Variants in GPR158 observed in about 807,000 individuals in gnomAD.
GPR158 encodes the protein metabotropic glycine receptor.
In GPR158, 30 loss-of-function variants were observed where a neutral mutation model predicts 78.2. That is an observed-to-expected ratio of 0.38 (90% CI 0.29 to 0.52). The LOEUF is 0.52. GPR158 is among the 20% of genes least tolerant of loss of function. The probability of loss-of-function intolerance (pLI) is 0.83; values close to 1 mark genes in which losing one functional copy is unlikely to be tolerated. For missense variants in GPR158, 1,463 were observed against 1,523.5 expected (o/e 0.96, Z 0.66); for synonymous variants, 581 against 591.1 (o/e 0.98, Z 0.25).
At chr10:25,323,416 C>T (rs1003713310) in intron 2 of GPR158, among the ~76,000 whole-genome samples, 9 of 152,160 alleles carry the variant, frequency 5.9e-5, no homozygotes, top group Non-Finnish European at 1.3e-4. Context: ...ATTGACTTCT[C>T]CTCTCTAGCT....
At chr10:25,484,867 C>T (rs1835711542) in intron 5 of GPR158, among the ~76,000 whole-genome samples, 1 of 152,048 alleles carries the variant, frequency 6.6e-6, no homozygotes, top group Admixed American at 6.6e-5. Context: ...GCCTGATTAG[C>T]AATTTTTCAG....
intron 1 of GPR158, among the ~76,000 whole-genome samples, chr10:25,196,285 GTTTTCC>G (rs1852842999): frequency 6.7e-6 from 1 of 150,012 alleles, no homozygotes; most frequent in Non-Finnish European, 1.5e-5. Context: ...TTTTGAAATA[GTTTTCC>G]TTTGGCAATT....
Position 25,175,200 on chromosome 10 carries a change from G to T in GPR158, c.-221G>T. 2.1e-6 allele frequency: 1 copy of T among 481,454 alleles called. No individual in the cohort carries two copies. The highest frequency in any genetic ancestry group is 3.6e-6 in the Non-Finnish European group (1 of 274,052). 29.8% of individuals were successfully genotyped at this position (481,454 alleles called of 1,614,324 possible). A position where few individuals can be genotyped will look rare whatever the true frequency, so the allele number is the denominator to read the frequency against. The stretch of plus-strand genomic sequence containing the variant: ...CCCCAGCCGGCCCCTCGCGCAGCGG[G>T]CACGGCCAGCGCTGCCACAGGTGAC... On this transcript the variant is annotated 5_prime_UTR_variant, in exon 1 of 11. Coordinates refer to ENST00000376351, the MANE Select transcript of GPR158 (RefSeq NM_020752.3). This position sits in a 1 kb window ranked among gnomAD's most constrained non-coding sequence, Gnocchi z 6.4.
intron 2 of GPR158, among the ~76,000 whole-genome samples, chr10:25,233,038 T>C (rs890737309): frequency 2.6e-5 from 4 of 152,188 alleles, no homozygotes; most frequent in Non-Finnish European, 5.9e-5. Context: ...AGAGCAGTTA[T>C]TGTGCATGAA....
chr10:25,597,988 A>C lies in GPR158; in HGVS notation c.2362A>C (p.Ile788Leu), dbSNP rs766096169. ...DHGTAKGTAL[I>L]RKNPPESSGN... ...TGGCACAGCCAAAGGCACTGCCCTC[A>C]TCAGGAAGAACCCCCCAGAGTCTTC... The change falls in exon 11 of 11, where the codon ATC becomes CTC. Residue 788 changes from isoleucine (I) to leucine (L), a missense_variant. Physicochemically the swap from Ile to Leu is conservative, Grantham distance 5. Transcript: ENST00000376351. The C allele has an allele frequency of 1.2e-6, 2 of 1,614,016 alleles. No homozygotes were observed. The highest frequency in any genetic ancestry group is 8.5e-7 in the Non-Finnish European group (1 of 1,180,006).
chr10:25,274,243 G>T (rs1165250761), intron 2 of GPR158, among the ~76,000 whole-genome samples: 2 of 152,090 alleles, frequency 1.3e-5, no homozygotes, highest in Non-Finnish European at 2.9e-5. Context: ...CCTATCTACA[G>T]AAAACATGGA....
intron 2 of GPR158, among the ~76,000 whole-genome samples, chr10:25,332,862 G>T (rs1036039427): frequency 6.6e-6 from 1 of 152,222 alleles, no homozygotes; most frequent in Non-Finnish European, 1.5e-5. Context: ...TGTTATAAAT[G>T]GCTTCAATAT....
At chr10:25,540,945 AAT>A (rs57800341) in intron 5 of GPR158, among the ~76,000 whole-genome samples, 38,411 of 81,474 alleles carry the variant, frequency 0.47, 6,063 homozygotes, top group Middle Eastern at 0.57. Context: ...GTATAATAAA[AAT>A]ATATATATAT....
At position 25,596,788 on chromosome 10, in the gene GPR158, G is replaced by A. The variant is rs753599474; in HGVS notation, c.2144G>A (p.Arg715Gln). The change falls in exon 10 of 11, where the codon CGG becomes CAG. Residue 715 changes from arginine (R) to glutamine (Q), a missense_variant and splice_region_variant. By Grantham distance (43) the Arg-to-Gln change is conservative. Coordinates refer to ENST00000376351, the MANE Select transcript of GPR158 (RefSeq NM_020752.3). ...SEHSLDPEDI[R>Q]DELKKLYAQL... ...CACAGCTTGGATCCAGAGGACATTCGGGTAATGCCAGTACTCTATCTTTCT... is the reference window on the plus strand; with the variant it reads ...CACAGCTTGGATCCAGAGGACATTCAGGTAATGCCAGTACTCTATCTTTCT... The A allele has an allele frequency of 1.4e-5, 23 of 1,612,424 alleles. No individual in the cohort carries two copies. The Admixed American group carries it at 1.5e-4, about 11-fold the overall frequency.
At chr10:25,273,826 C>A (rs1400697966) in intron 2 of GPR158, among the ~76,000 whole-genome samples, 1 of 151,702 alleles carries the variant, frequency 6.6e-6, no homozygotes, top group Admixed American at 6.6e-5. Flanking sequence ...ACTATAGATG[C>A]GCGCCACCAC....
At chr10:25,270,676 C>T (rs1464696202) in intron 2 of GPR158, among the ~76,000 whole-genome samples, 5 of 152,144 alleles carry the variant, frequency 3.3e-5, no homozygotes, top group African/African-American at 1.2e-4. Flanking sequence ...GGCCAGATAT[C>T]TACAAGTCTT....
intron 2 of GPR158, among the ~76,000 whole-genome samples, chr10:25,234,741 T>A (rs1853498771): frequency 6.6e-6 from 1 of 152,222 alleles, no homozygotes; most frequent in Non-Finnish European, 1.5e-5. Context: ...GTTAGATGGC[T>A]TATTCAAGTA....
chr10:25,386,432 CAT>C (rs1224247286), intron 2 of GPR158, among the ~76,000 whole-genome samples: 1 of 152,044 alleles, frequency 6.6e-6, no homozygotes, highest in African/African-American at 2.4e-5. Flanking sequence ...CTTGGGATTC[CAT>C]ATAAGTTTAG....
intron 5 of GPR158, among the ~76,000 whole-genome samples, chr10:25,510,964 G>A (rs1260851234): frequency 1.3e-5 from 2 of 152,196 alleles, no homozygotes; most frequent in Non-Finnish European, 2.9e-5. Flanking sequence ...CATATGGGCA[G>A]GTTCCATATT....
intron 6 of GPR158, among the ~76,000 whole-genome samples, chr10:25,556,431 T>C (rs754412180): frequency 3.9e-5 from 6 of 152,220 alleles, no homozygotes; most frequent in Non-Finnish European, 8.8e-5. Context: ...CATTGCATTC[T>C]GACTAGAAAA....
chr10:25,433,555 G>GTGTGTGTGTGTTGTGTGTGTGT (rs1834946032), intron 4 of GPR158, among the ~76,000 whole-genome samples: 1 of 141,420 alleles, frequency 7.1e-6, no homozygotes, highest in African/African-American at 2.7e-5. Flanking sequence ...TGTTGTGTGT[G>GTGTGTGTGTGTTGTGTGTGTGT]TGTGTGTGTG....
intron 4 of GPR158, 77 bp from the exon 5 acceptor site, chr10:25,466,574 G>A: frequency 2.3e-6 from 2 of 876,666 alleles, no homozygotes. Flanking sequence ...ACTGCATTGT[G>A]GCATTTTCAC....
rs182293709 is a variant in GPR158 at position 25,346,867 on chromosome 10, C to T, written c.1009-49044C>T. ...ACAGACATGAAAAGCCCTGAAGCATCGGATTAAGAGAACAAAAGTGGAGTC... is the reference window on the plus strand; with the variant it reads ...ACAGACATGAAAAGCCCTGAAGCATTGGATTAAGAGAACAAAAGTGGAGTC... On this transcript the variant is annotated intron_variant, in intron 2 of 10. Transcript: ENST00000376351. Among the ~76,000 whole-genome samples the T allele has an allele frequency of 1.4e-4, 22 of 152,006 alleles. No homozygotes were observed. In the South Asian group the frequency reaches 2.3e-3, roughly 16 times the overall value.
chr10:25,193,886 A>T (rs1165225584), intron 1 of GPR158, among the ~76,000 whole-genome samples: 1 of 98,146 alleles, frequency 1.0e-5, no homozygotes, highest in African/African-American at 8.1e-5. Context: ...GTAAAGGGGT[A>T]AAAAAAAAAA....
Sources: gnomAD v4.1 joint callset for allele counts (sites outside exome capture counted in the v4.1 genomes callset) on GRCh38, gnomAD v4.1.1 for gene constraint, Gnocchi (gnomAD v3.1) non-coding constraint, MANE v1.5 for transcripts, NCBI Gene and HGNC (gene_info 2026-07-23, HGNC 2026-07-21) for gene names.